The following ZNF577 variants were observed in gnomAD, a reference collection of about 807,000 sequenced individuals.
ZNF577 encodes zinc finger protein 577.
ZNF577 carries 14 observed loss-of-function variants against 13.9 expected under a neutral mutation model. The observed-to-expected ratio is 1.00, with a 90% CI of 0.66 to 1.57. The LOEUF (loss-of-function observed/expected upper bound fraction) is 1.57. Ranked by LOEUF, ZNF577 falls within the 40% of genes most tolerant of loss-of-function variation. The probability of loss-of-function intolerance (pLI) is 0.00; values close to 1 mark genes in which losing one functional copy is unlikely to be tolerated. For synonymous variants in ZNF577, 203 were observed against 202.9 expected, an observed-to-expected ratio of 1.00 and a Z score of 0.00; for missense variants, 555 against 579.2, an observed-to-expected ratio of 0.96 and a Z score of 0.43.
Position 51,872,369 on chromosome 19 carries a change from T to C in ZNF577, c.*163A>G. 1.7e-6 allele frequency: 1 copy of C among 585,268 alleles called. No homozygotes were observed. Among genetic ancestry groups the C allele is most frequent in the Non-Finnish European group, 2.9e-6 (1 of 343,378 alleles). The allele number at this position is 585,268 out of a possible 1,614,324, so 36.3% of individuals were successfully genotyped here. The stretch of plus-strand genomic sequence containing the variant: ...GACTTCCTCATAACAGCTGCATTTC[T>C]ACCCAACATGATTTCAATGGTGTTT... On this transcript the variant is annotated 3_prime_UTR_variant, in exon 6 of 6. Transcript: ENST00000638348.
chr19:51,809,862 A>G (rs747256672), intron 10 of ZNF577, among the ~76,000 whole-genome samples: 2 of 152,170 alleles, frequency 1.3e-5, no homozygotes, highest in Non-Finnish European at 2.9e-5. Flanking sequence ...CCATGCCTGG[A>G]ACGGGGTTGA....
downstream of ZNF577, among the ~76,000 whole-genome samples, chr19:51,865,793 C>T (rs1159678338): frequency 2.0e-5 from 3 of 152,138 alleles, no homozygotes; most frequent in Non-Finnish European, 1.5e-5. Flanking sequence ...ACTGACCTCA[C>T]ATTTTATCCT....
chr19:51,881,665 A>T (rs972065384), intron 1 of ZNF577, among the ~76,000 whole-genome samples: 7 of 152,130 alleles, frequency 4.6e-5, no homozygotes, highest in Non-Finnish European at 7.3e-5. Context: ...CCACTTTTAG[A>T]ACTTTACTTC....
chr19:51,858,197 C>A (rs1216864750), intron 5 of ZNF577, among the ~76,000 whole-genome samples: 1 of 152,168 alleles, frequency 6.6e-6, no homozygotes, highest in East Asian at 1.9e-4. Context: ...GGCACGTTAC[C>A]CTCTCATTAT....
intron 5 of ZNF577, among the ~76,000 whole-genome samples, chr19:51,847,826 T>C (rs920224456): frequency 2.0e-5 from 3 of 152,186 alleles, no homozygotes; most frequent in Non-Finnish European, 2.9e-5. Flanking sequence ...GTGAATTTAC[T>C]CCCTGGAAGG....
chr19:51,843,152 C>T (rs17835123), intron 7 of ZNF577: 11,619 of 152,200 alleles, frequency 0.076, 666 homozygotes, highest in South Asian at 0.23. Context: ...GGCAATTAAT[C>T]GGCTTACAGT....
rs557634206 is a variant in ZNF577, at chr19:51,868,401, T to G, written c.*4131A>C. On this transcript the variant is annotated 3_prime_UTR_variant, in exon 6 of 6. Transcript: ENST00000638348. Reference sequence around the variant, plus strand: ...TGAGTCCCCTCCCCAGCCTCCAACATGGGATCCATCTGGCCCATGAGAGCA... The same window carrying G: ...TGAGTCCCCTCCCCAGCCTCCAACAGGGGATCCATCTGGCCCATGAGAGCA... Among the ~76,000 whole-genome samples, 3 of 152,180 alleles carry G rather than the reference T, an allele frequency of 2.0e-5. No individual in the cohort carries two copies. The highest frequency in any genetic ancestry group is 6.5e-5 in the Admixed American group (1 of 15,298).
chr19:51,841,209 C>G (rs901109597), intron 8 of ZNF577, among the ~76,000 whole-genome samples: 2 of 152,186 alleles, frequency 1.3e-5, no homozygotes, highest in Non-Finnish European at 2.9e-5. Context: ...ACATGTCCCC[C>G]CAGGCCCCTC....
downstream of ZNF577, among the ~76,000 whole-genome samples, chr19:51,866,564 G>A (rs973446878): frequency 1.2e-4 from 19 of 152,158 alleles, no homozygotes; most frequent in Non-Finnish European, 2.5e-4. Flanking sequence ...AACCAGTCAA[G>A]CCAATCCAGA....
At chr19:51,853,308 AGT>A (rs2084388757) in intron 5 of ZNF577, among the ~76,000 whole-genome samples, 1 of 152,174 alleles carries the variant, frequency 6.6e-6, no homozygotes, top group South Asian at 2.1e-4. Flanking sequence ...CTGGGTCTTC[AGT>A]GGTCAGCTCA....
chr19:51,864,666 A>T (rs1158897973), downstream of ZNF577, among the ~76,000 whole-genome samples: 1 of 152,200 alleles, frequency 6.6e-6, no homozygotes, highest in East Asian at 1.9e-4. Context: ...AGCAAGGATG[A>T]CTTGAAGTTT....
intron 10 of ZNF577, among the ~76,000 whole-genome samples, chr19:51,807,180 C>T (rs2084065105): frequency 6.6e-6 from 1 of 151,288 alleles, no homozygotes; most frequent in African/African-American, 2.4e-5. Flanking sequence ...TTTACACAGC[C>T]CTCCGTATTT....
Position 51,824,287 on chromosome 19 carries a change from T to A in ZNF577, c.*600-12613A>T. 6.2e-7 allele frequency: 1 copy of A among 1,614,168 alleles called. No homozygotes were observed. The highest frequency in any genetic ancestry group is 8.5e-7 in the Non-Finnish European group (1 of 1,180,016). On this transcript the variant is annotated intron_variant and NMD_transcript_variant, in intron 9 of 10. Transcript: ENST00000638827. The surrounding 1 kb of genome is among the most constrained non-coding windows in gnomAD (Gnocchi z 4.7). The stretch of plus-strand genomic sequence containing the variant: ...GGGGACACATACTGTATTTTCAACT[T>A]TGCATTCTGGGGTGACACTGCTGTA...
rs1442035638 is a variant in ZNF577 at position 51,824,111 on chromosome 19, G to T, written c.*600-12437C>A. 1 of 1,613,836 alleles carries T rather than the reference G, an allele frequency of 6.2e-7. No individual in the cohort carries two copies. Among genetic ancestry groups the T allele is most frequent in the East Asian group, 2.2e-5 (1 of 44,872 alleles). On this transcript the variant is annotated intron_variant and NMD_transcript_variant, in intron 9 of 10. Coordinates refer to the ZNF577 transcript ENST00000638827. The surrounding 1 kb of genome is among the most constrained non-coding windows in gnomAD (Gnocchi z 4.7). Reference sequence around the variant, plus strand: ...TCTACCTGATCACCATCATTGCTCTGGACCGCTGTATTTGTGTCCTGCATC... The same window carrying T: ...TCTACCTGATCACCATCATTGCTCTTGACCGCTGTATTTGTGTCCTGCATC...
Position 51,824,718 on chromosome 19 carries a change from G to A in ZNF577, c.*600-13044C>T. On this transcript the variant is annotated intron_variant and NMD_transcript_variant, in intron 9 of 10. Coordinates refer to the ZNF577 transcript ENST00000638827. This position sits in a 1 kb window ranked among gnomAD's most constrained non-coding sequence, Gnocchi z 4.7. ...CTCTTTGCCCACTAGTTTGGAGAGGGCCCTGACTGAGGTCCCTGACTCAGC... is the reference window on the plus strand; with the variant it reads ...CTCTTTGCCCACTAGTTTGGAGAGGACCCTGACTGAGGTCCCTGACTCAGC... 3 of 1,613,998 alleles carry A rather than the reference G, an allele frequency of 1.9e-6. No homozygotes were observed. The highest frequency in any genetic ancestry group is 2.5e-6 in the Non-Finnish European group (3 of 1,179,994).
At position 51,835,427 on chromosome 19, in the gene ZNF577, T is replaced by C. The variant is rs548181957; in HGVS notation, c.*599+4466A>G. Among the ~76,000 whole-genome samples, 34 of 144,248 alleles carry C rather than the reference T, an allele frequency of 2.4e-4. No individual in the cohort carries two copies. The South Asian group carries it at 7.1e-3, about 30-fold the overall frequency. 94.6% of individuals were successfully genotyped at this position (144,248 alleles called of 152,430 possible). On this transcript the variant is annotated intron_variant and NMD_transcript_variant, in intron 9 of 10. Coordinates refer to the ZNF577 transcript ENST00000638827. ...AATACCCATTAAAAAAAAAAAAAAC[T>C]TCAGGCTTGCATTGTTTCACCTGTG...
chr19:51,881,516 G>A (rs892875404), intron 1 of ZNF577, among the ~76,000 whole-genome samples: 1 of 152,152 alleles, frequency 6.6e-6, no homozygotes, highest in Non-Finnish European at 1.5e-5. Context: ...GCTGAGGCTT[G>A]CTGAGACAAC....
chr19:51,875,532 T>C (rs2084746071), intron 5 of ZNF577, among the ~76,000 whole-genome samples: 1 of 152,212 alleles, frequency 6.6e-6, no homozygotes, highest in Admixed American at 6.5e-5. Flanking sequence ...TTTGACATTA[T>C]CTGTAGCATT....
chr19:51,821,436 G>A lies in ZNF577; in HGVS notation c.*600-9762C>T, dbSNP rs571951302. Among the ~76,000 whole-genome samples the A allele has an allele frequency of 1.7e-4, 26 of 152,208 alleles. 1 individual carries two copies. Among genetic ancestry groups the A allele is most frequent in the Middle Eastern group, 6.8e-3 (2 of 294 alleles). ...TAGCATCGGTGGATAGAGGCCAGGG[G>A]TGTTGCTAAATATCCTACTGTGCAC... On this transcript the variant is annotated intron_variant and NMD_transcript_variant, in intron 9 of 10. Transcript: ENST00000638827.
Sources: gnomAD v4.1 joint callset for allele counts (sites outside exome capture counted in the v4.1 genomes callset) on GRCh38, gnomAD v4.1.1 for gene constraint, Gnocchi (gnomAD v3.1) non-coding constraint, MANE v1.5 for transcripts, NCBI Gene and HGNC (gene_info 2026-07-23, HGNC 2026-07-21) for gene names.